LRP1B: variants seen among roughly 807,000 people sequenced by gnomAD.
The protein encoded by LRP1B is LDL receptor related protein 1B.
LRP1B carries 217 observed loss-of-function variants against 556.6 expected under a neutral mutation model. The observed-to-expected ratio is 0.39, with a 90% confidence interval of 0.35 to 0.44. The LOEUF (loss-of-function observed/expected upper bound fraction) is 0.44. LRP1B is among the 20% of genes least tolerant of loss of function. LRP1B has a pLI of 1.00. For synonymous variants in LRP1B, 2,047 were observed against 1,865.8 expected (o/e 1.10, Z -2.50); for missense variants, 5,053 against 5,620.8 (o/e 0.90, Z 3.23).
At chr2:141,263,223 G>T (rs1200571876) in intron 3 of LRP1B, among the ~76,000 whole-genome samples, 1 of 151,886 alleles carries the variant, frequency 6.6e-6, no homozygotes, top group Non-Finnish European at 1.5e-5. Flanking sequence ...TATTGAACTT[G>T]TATCATGTGA....
At chr2:140,977,927 T>G (rs1696654383) in intron 18 of LRP1B, among the ~76,000 whole-genome samples, 1 of 152,186 alleles carries the variant, frequency 6.6e-6, no homozygotes, top group Non-Finnish European at 1.5e-5. Flanking sequence ...ATTGACAACT[T>G]AAGTTGAGAA....
chr2:141,795,856 CAATA>C (rs1695786376), intron 2 of LRP1B, among the ~76,000 whole-genome samples: 1 of 18,988 alleles, frequency 5.3e-5, no homozygotes, highest in Non-Finnish European at 9.8e-5. Context: ...AAACCAGGAG[CAATA>C]TATATATATA....
At chr2:140,356,778 G>A (rs1270992755) in intron 74 of LRP1B, among the ~76,000 whole-genome samples, 3 of 151,658 alleles carry the variant, frequency 2.0e-5, no homozygotes, top group Non-Finnish European at 4.4e-5. Flanking sequence ...CTAATGACAG[G>A]CTATCTTTAT....
chr2:142,008,941 A>C (rs980193395), intron 1 of LRP1B, among the ~76,000 whole-genome samples: 2 of 152,170 alleles, frequency 1.3e-5, no homozygotes, highest in Non-Finnish European at 2.9e-5. Flanking sequence ...ATCACAGTTC[A>C]GTGATTCCAC....
At chr2:142,015,483 C>T (rs1331790071) in intron 1 of LRP1B, among the ~76,000 whole-genome samples, 4 of 152,142 alleles carry the variant, frequency 2.6e-5, no homozygotes, top group Non-Finnish European at 5.9e-5. Context: ...ATGTCTAAAA[C>T]ACCAAAAGCA....
At chr2:140,844,393 T>C (rs72924956) in intron 29 of LRP1B, among the ~76,000 whole-genome samples, 8,072 of 152,100 alleles carry the variant, frequency 0.053, 341 homozygotes, top group Non-Finnish European at 0.072. Flanking sequence ...ATGCTTAACA[T>C]TTTTCTCCCA....
chr2:141,469,619 T>G (rs573424246), intron 3 of LRP1B, among the ~76,000 whole-genome samples: 8 of 152,190 alleles, frequency 5.3e-5, no homozygotes, highest in Non-Finnish European at 1.0e-4. Context: ...GCCACAAAAA[T>G]AGTATTTTTT....
intron 1 of LRP1B, among the ~76,000 whole-genome samples, chr2:141,818,687 CCA>C (rs1191526682): frequency 4.6e-5 from 7 of 151,418 alleles, no homozygotes; most frequent in Non-Finnish European, 8.8e-5. Context: ...CAGGCGCCTG[CCA>C]CCACACCTGG....
chr2:141,890,431 T>C (rs769242888), intron 1 of LRP1B, among the ~76,000 whole-genome samples: 4 of 143,376 alleles, frequency 2.8e-5, no homozygotes, highest in Middle Eastern at 7.4e-3. Context: ...TTAAATGTTC[T>C]CATTGGATCT....
At chr2:141,362,726 C>G (rs1356181027) in intron 3 of LRP1B, among the ~76,000 whole-genome samples, 4 of 151,362 alleles carry the variant, frequency 2.6e-5, no homozygotes, top group Non-Finnish European at 5.9e-5. Context: ...ATTTTGTGCC[C>G]ACAAAATAAT....
Position 141,431,946 on chromosome 2 carries a change from A to G in LRP1B, c.343+48450T>C, listed in dbSNP as rs113248761. Reference sequence around the variant, plus strand: ...ACTTTTTTAAATCTGTATGCTTTTTATTTATTTATTTATTTTACCTAACTG... The same window carrying G: ...ACTTTTTTAAATCTGTATGCTTTTTGTTTATTTATTTATTTTACCTAACTG... On this transcript the variant is annotated intron_variant, in intron 3 of 90. Coordinates refer to ENST00000389484, the MANE Select transcript of LRP1B (RefSeq NM_018557.3). 3.9e-3 allele frequency among the ~76,000 whole-genome samples: 585 copies of G among 151,942 alleles called. 3 individuals are homozygous for G. The highest frequency in any genetic ancestry group is 0.013 in the African/African-American group (547 of 41,488).
chr2:141,563,759 G>T (rs1011122437), intron 2 of LRP1B, among the ~76,000 whole-genome samples: 5 of 152,032 alleles, frequency 3.3e-5, no homozygotes, highest in Non-Finnish European at 5.9e-5. Context: ...TATCCTAAGA[G>T]AATTACACAG....
intron 84 of LRP1B, among the ~76,000 whole-genome samples, chr2:140,296,508 A>T (rs1320240188): frequency 1.3e-5 from 2 of 152,180 alleles, no homozygotes; most frequent in African/African-American, 4.8e-5. Context: ...AAATAGGTTA[A>T]GCAGGATATG....
intron 31 of LRP1B, among the ~76,000 whole-genome samples, chr2:140,836,254 A>T (rs1347799437): frequency 6.6e-6 from 1 of 152,202 alleles, no homozygotes; most frequent in Non-Finnish European, 1.5e-5. Context: ...AAAGTTATAT[A>T]CTATTATCTC....
chr2:142,111,778 C>T (rs1236424287), intron 1 of LRP1B, among the ~76,000 whole-genome samples: 1 of 152,018 alleles, frequency 6.6e-6, no homozygotes, highest in Non-Finnish European at 1.5e-5. Flanking sequence ...TGACTGACTA[C>T]TACTATTATA....
rs539753139 is a variant in LRP1B at position 141,693,483 on chromosome 2, AATAT to A, written c.205+116792_205+116795del. Among the ~76,000 whole-genome samples, 611 of 152,196 alleles carry A rather than the reference AATAT, an allele frequency of 4.0e-3. 5 individuals carry two copies. Among genetic ancestry groups the A allele is most frequent in the African/African-American group, 0.014 (579 of 41,564 alleles). On this transcript the variant is annotated intron_variant, in intron 2 of 90. Transcript: ENST00000389484. The stretch of plus-strand genomic sequence containing the variant: ...TTTTAGTAAGAATTATTAAAACATA[AATAT>A]ATAATGTATTTATCAACTATAGATT...
At chr2:141,389,975 T>G (rs1370671801) in intron 3 of LRP1B, among the ~76,000 whole-genome samples, 1 of 152,018 alleles carries the variant, frequency 6.6e-6, no homozygotes, top group Non-Finnish European at 1.5e-5. Context: ...CCGTCTCTAC[T>G]AAAAATATGA....
chr2:141,994,624 C>T (rs1056865443), intron 1 of LRP1B, among the ~76,000 whole-genome samples: 2 of 151,864 alleles, frequency 1.3e-5, no homozygotes, highest in Admixed American at 1.3e-4. Context: ...TAAAGAAAAC[C>T]GGGAAGAAAA....
chr2:142,097,871 G>A (rs980914824), intron 1 of LRP1B, among the ~76,000 whole-genome samples: 3 of 151,514 alleles, frequency 2.0e-5, no homozygotes, highest in Non-Finnish European at 3.0e-5. Context: ...ATAATGTATC[G>A]ACAACAGATT....
Sources: allele counts gnomAD v4.1 joint callset (sites outside exome capture counted in the v4.1 genomes callset), GRCh38; gene constraint gnomAD v4.1.1; transcripts MANE v1.5; gene names NCBI Gene and HGNC (gene_info 2026-07-23, HGNC 2026-07-21).